Variants in RAB3GAP1 observed in about 807,000 individuals in gnomAD.
RAB3GAP1 encodes the protein rab3 GTPase-activating protein catalytic subunit.
In RAB3GAP1, 86 loss-of-function variants were observed where a neutral mutation model predicts 130.7. The ratio of observed to expected loss-of-function variants is 0.66; its 90% confidence interval spans 0.55 to 0.79. The LOEUF is 0.79. RAB3GAP1 is among the 30% of genes least tolerant of loss of function. RAB3GAP1 has a pLI of 0.00. For missense variants in RAB3GAP1, 1,029 were observed against 1,169.4 expected (o/e 0.88, Z 1.75); for synonymous variants, 367 against 401.7 (o/e 0.91, Z 1.03).
chr2:135,087,669 G>A (rs1690025606), intron 3 of RAB3GAP1, among the ~76,000 whole-genome samples: 1 of 151,864 alleles, frequency 6.6e-6, no homozygotes, highest in Non-Finnish European at 1.5e-5. Context: ...CTCTTTCCAA[G>A]CATTTGTTGC....
chr2:135,097,617 G>A (rs1011957717), intron 5 of RAB3GAP1, among the ~76,000 whole-genome samples: 1 of 152,106 alleles, frequency 6.6e-6, no homozygotes, highest in African/African-American at 2.4e-5. Context: ...GAATTCTACT[G>A]TATGTAAATA....
chr2:135,104,962 A>C (rs374190743), intron 5 of RAB3GAP1, among the ~76,000 whole-genome samples: 2 of 152,150 alleles, frequency 1.3e-5, no homozygotes, highest in East Asian at 3.9e-4. Flanking sequence ...AACTTTCTTC[A>C]CATGGGCTCA....
At chr2:135,113,969 T>C (rs550397936) in intron 6 of RAB3GAP1, among the ~76,000 whole-genome samples, 1 of 152,248 alleles carries the variant, frequency 6.6e-6, no homozygotes, top group South Asian at 2.1e-4. Flanking sequence ...AGGCTGGTCT[T>C]GAACTCCTGA....
intron 5 of RAB3GAP1, among the ~76,000 whole-genome samples, chr2:135,095,356 G>A (rs915461463): frequency 6.6e-6 from 1 of 152,184 alleles, no homozygotes; most frequent in Non-Finnish European, 1.5e-5. Context: ...CCGCAGGCAG[G>A]CTTTTTTAAG....
At chr2:135,139,545 AT>A (rs1233588077) in intron 17 of RAB3GAP1, among the ~76,000 whole-genome samples, 3 of 151,670 alleles carry the variant, frequency 2.0e-5, no homozygotes, top group African/African-American at 7.3e-5. Flanking sequence ...TGTCTCAAAA[AT>A]TAAAAAAAAA....
intron 5 of RAB3GAP1, among the ~76,000 whole-genome samples, chr2:135,112,061 G>A (rs1690817473): frequency 6.6e-6 from 1 of 152,206 alleles, no homozygotes; most frequent in Non-Finnish European, 1.5e-5. Flanking sequence ...ATGTGTTAGA[G>A]CATGGCCATA....
chr2:135,098,111 C>G (rs1690351415), intron 5 of RAB3GAP1, among the ~76,000 whole-genome samples: 1 of 152,126 alleles, frequency 6.6e-6, no homozygotes, highest in African/African-American at 2.4e-5. Flanking sequence ...TTTTGAACAT[C>G]TTTCGTGTGT....
At chr2:135,079,431 C>G (rs773585449) in intron 3 of RAB3GAP1, among the ~76,000 whole-genome samples, 1 of 152,174 alleles carries the variant, frequency 6.6e-6, no homozygotes, top group Non-Finnish European at 1.5e-5. Context: ...TGAGACTTCA[C>G]AGAAGCCTTC....
intron 23 of RAB3GAP1, among the ~76,000 whole-genome samples, chr2:135,167,198 A>G (rs887927339): frequency 2.6e-5 from 4 of 152,152 alleles, no homozygotes; most frequent in Non-Finnish European, 5.9e-5. Flanking sequence ...CTATATATTT[A>G]TAACTTTTCT....
At chr2:135,125,858 G>C (rs1691334130) in intron 9 of RAB3GAP1, among the ~76,000 whole-genome samples, 1 of 152,172 alleles carries the variant, frequency 6.6e-6, no homozygotes, top group Admixed American at 6.5e-5. Context: ...TGAAGCTGTG[G>C]ATAAGGAGGA....
At chr2:135,115,615 CAGTCTGTT>C (rs1690947690) in intron 7 of RAB3GAP1, among the ~76,000 whole-genome samples, 1 of 152,164 alleles carries the variant, frequency 6.6e-6, no homozygotes, top group Non-Finnish European at 1.5e-5. Flanking sequence ...TTTGTTTGTT[CAGTCTGTT>C]AGCATTTATT....
chr2:135,167,681 C>A lies in RAB3GAP1; in HGVS notation c.2710-864C>A, dbSNP rs892826858. Reference sequence around the variant, plus strand: ...CCTTTCATCACTGTTTCTTTTCTTACCCCTTCTCAAGCTGACTGAATCTTC... The same window carrying A: ...CCTTTCATCACTGTTTCTTTTCTTAACCCTTCTCAAGCTGACTGAATCTTC... On this transcript the variant is annotated intron_variant, in intron 23 of 23. Transcript: ENST00000264158. The A allele has an allele frequency of 4.7e-6, 7 of 1,489,448 alleles. No individual in the cohort carries two copies. The African/African-American group carries it at 9.7e-5, about 21-fold the overall frequency. 92.3% of individuals were successfully genotyped at this position (1,489,448 alleles called of 1,614,324 possible). A position where few individuals can be genotyped will look rare whatever the true frequency, so the allele number is the denominator to read the frequency against.
At chr2:135,168,015 A>G (rs1692709547) in intron 23 of RAB3GAP1, among the ~76,000 whole-genome samples, 1 of 152,240 alleles carries the variant, frequency 6.6e-6, no homozygotes, top group Admixed American at 6.5e-5. Context: ...TTTTGTGGTC[A>G]TTGCTATATG....
At chr2:135,092,880 C>G (rs910727346) in intron 4 of RAB3GAP1, among the ~76,000 whole-genome samples, 4 of 152,132 alleles carry the variant, frequency 2.6e-5, no homozygotes, top group African/African-American at 9.7e-5. Flanking sequence ...TTTACAGATA[C>G]GCGTTTAAAA....
rs200869351 is a variant in RAB3GAP1 at position 135,169,974 on chromosome 2, T to TAA, written c.*1207_*1208dup. ...AGCTGTGCAAACCCTGTTATTTTTG[T>TAA]AAAAAAAAAAAAAAATACATATCTA... On this transcript the variant is annotated 3_prime_UTR_variant, in exon 24 of 24. Transcript: ENST00000264158. 31 of 215,408 alleles carry TAA rather than the reference T, an allele frequency of 1.4e-4. No homozygotes were observed. Among genetic ancestry groups the TAA allele is most frequent in the South Asian group, 4.0e-4 (7 of 17,418 alleles). The allele number at this position is 215,408 out of a possible 1,614,324, so 13.3% of individuals were successfully genotyped here.
chr2:135,117,510 T>C, intron 7 of RAB3GAP1, among the ~76,000 whole-genome samples: 1 of 76,922 alleles, frequency 1.3e-5, no homozygotes, highest in Non-Finnish European at 2.9e-5. Flanking sequence ...TTCTTCTTCT[T>C]CTGCTTCTTC....
intron 3 of RAB3GAP1, among the ~76,000 whole-genome samples, chr2:135,066,593 T>C (rs1446692788): frequency 6.6e-6 from 1 of 152,182 alleles, no homozygotes; most frequent in African/African-American, 2.4e-5. Context: ...CTCTGTCCTT[T>C]TTGGTTTCAG....
intron 2 of RAB3GAP1, among the ~76,000 whole-genome samples, chr2:135,054,686 G>A (rs1423838581): frequency 6.6e-6 from 1 of 152,162 alleles, no homozygotes; most frequent in Non-Finnish European, 1.5e-5. Flanking sequence ...GGAAACATCA[G>A]TTTTGAATGG....
chr2:135,108,287 T>G (rs977241305), intron 5 of RAB3GAP1, among the ~76,000 whole-genome samples: 5 of 152,140 alleles, frequency 3.3e-5, no homozygotes, highest in Non-Finnish European at 7.4e-5. Flanking sequence ...TTGTGACATT[T>G]TAATTTGTGT....
Sources: gnomAD v4.1 joint callset for allele counts (sites outside exome capture counted in the v4.1 genomes callset) on GRCh38, gnomAD v4.1.1 for gene constraint, MANE v1.5 for transcripts, NCBI Gene and HGNC (gene_info 2026-07-23, HGNC 2026-07-21) for gene names.